PTPRM: variants seen among roughly 807,000 people sequenced by gnomAD.
PTPRM encodes protein tyrosine phosphatase receptor type M, also known as receptor-type tyrosine-protein phosphatase mu.
Under a neutral mutation model 186.7 loss-of-function variants are expected in PTPRM, and 47 were observed. That is an observed-to-expected ratio of 0.25 (90% CI 0.20 to 0.32). The LOEUF (loss-of-function observed/expected upper bound fraction) is 0.32. Ranked by LOEUF, PTPRM falls within the 10% of genes least tolerant of loss-of-function variation. The pLI is 1.00. For synonymous variants in PTPRM, 668 were observed against 674.9 expected, an observed-to-expected ratio of 0.99 and a Z score of 0.16; for missense variants, 1,494 against 1,865.0, an observed-to-expected ratio of 0.80 and a Z score of 3.66.
At chr18:7,734,305 T>G (rs1003762338) in intron 1 of PTPRM, among the ~76,000 whole-genome samples, 2 of 152,348 alleles carry the variant, frequency 1.3e-5, no homozygotes, top group Non-Finnish European at 2.9e-5. Flanking sequence ...ACATTATTTC[T>G]GTTGAAAGCA....
chr18:8,035,364 G>A (rs982708347), intron 7 of PTPRM, among the ~76,000 whole-genome samples: 9 of 152,050 alleles, frequency 5.9e-5, no homozygotes, highest in Admixed American at 2.6e-4. Flanking sequence ...TCAGTATCCA[G>A]GGGGGATTAG....
intron 11 of PTPRM, among the ~76,000 whole-genome samples, chr18:8,111,122 ACT>A (rs1176424769): frequency 6.6e-5 from 10 of 152,098 alleles, no homozygotes; most frequent in African/African-American, 1.7e-4. Flanking sequence ...GGAAAGATAA[ACT>A]CTGTGTGTGT....
intron 15 of PTPRM, among the ~76,000 whole-genome samples, chr18:8,245,629 G>A (rs928942937): frequency 1.3e-5 from 2 of 152,142 alleles, no homozygotes; most frequent in East Asian, 3.9e-4. Flanking sequence ...GCTGGAATTG[G>A]AGAAGCCCTT....
intron 14 of PTPRM, among the ~76,000 whole-genome samples, chr18:8,221,730 C>G (rs1276454250): frequency 3.3e-5 from 5 of 152,180 alleles, no homozygotes; most frequent in Non-Finnish European, 1.5e-5. Context: ...GGTTTTCAGT[C>G]CGCTGATACT....
Position 8,088,790 on chromosome 18 carries a change from C to G in PTPRM, c.1795C>G (p.Gln599Glu). 1.9e-6 allele frequency: 3 copies of G among 1,613,244 alleles called. No individual in the cohort carries two copies. The highest frequency in any genetic ancestry group is 2.5e-6 in the Non-Finnish European group (3 of 1,179,398). ...TTATGAACTTGAGACACCTTTGAAT[C>G]AAACTGACAATACCGTGACAGTCAT... ...PAYELETPLN[Q>E]TDNTVTVMLK... Residue 599 changes from glutamine (Q) to glutamate (E), a missense_variant, in exon 11 of 33, where the codon CAA becomes GAA. Transcript: ENST00000580170.
chr18:7,743,080 T>G (rs1233936050), intron 1 of PTPRM, among the ~76,000 whole-genome samples: 1 of 152,212 alleles, frequency 6.6e-6, no homozygotes, highest in Non-Finnish European at 1.5e-5. Context: ...GAGTCTGGTC[T>G]TGGGCTGAAT....
At chr18:7,757,514 A>G (rs1451919698) in intron 1 of PTPRM, among the ~76,000 whole-genome samples, 1 of 152,200 alleles carries the variant, frequency 6.6e-6, no homozygotes, top group Non-Finnish European at 1.5e-5. Flanking sequence ...TTGCTACCAT[A>G]GTCAAGGAGT....
intron 1 of PTPRM, among the ~76,000 whole-genome samples, chr18:7,717,067 C>T (rs1476348961): frequency 6.6e-6 from 1 of 152,124 alleles, no homozygotes; most frequent in Non-Finnish European, 1.5e-5. Flanking sequence ...TGGAACCAAC[C>T]CAAATGCCCA....
chr18:8,149,345 G>A (rs2092952175), intron 14 of PTPRM, among the ~76,000 whole-genome samples: 2 of 152,052 alleles, frequency 1.3e-5, no homozygotes, highest in South Asian at 4.2e-4. Context: ...CTGTGTTGGG[G>A]GCATATATAT....
At chr18:8,265,276 C>G (rs934569308) in intron 19 of PTPRM, among the ~76,000 whole-genome samples, 3 of 152,214 alleles carry the variant, frequency 2.0e-5, no homozygotes, top group African/African-American at 7.2e-5. Flanking sequence ...CCTCCCTGCT[C>G]TAGTTTCTCA....
chr18:8,273,470 T>A (rs1312635861), intron 19 of PTPRM, among the ~76,000 whole-genome samples: 2 of 152,222 alleles, frequency 1.3e-5, no homozygotes, highest in Admixed American at 6.5e-5. Context: ...ACCTCTCCTT[T>A]GCTACTGCCC....
At chr18:7,705,548 T>G (rs1371778546) in intron 1 of PTPRM, among the ~76,000 whole-genome samples, 1 of 152,154 alleles carries the variant, frequency 6.6e-6, no homozygotes, top group Non-Finnish European at 1.5e-5. Flanking sequence ...TTGGAGAAAC[T>G]CAAACCAGTG....
chr18:7,976,270 T>TA (rs1322025290), intron 7 of PTPRM, among the ~76,000 whole-genome samples: 1 of 152,316 alleles, frequency 6.6e-6, no homozygotes, highest in Non-Finnish European at 1.5e-5. Context: ...ATGGATACAG[T>TA]AAAAAATATC....
intron 2 of PTPRM, chr18:7,815,597 C>A (rs915017870): frequency 6.6e-6 from 1 of 152,120 alleles, no homozygotes; most frequent in Non-Finnish European, 1.5e-5. Context: ...GTGGAAAGAT[C>A]GCTCGAGGCC....
chr18:8,125,290 A>G (rs183486543), intron 13 of PTPRM, among the ~76,000 whole-genome samples: 146 of 152,096 alleles, frequency 9.6e-4, no homozygotes, highest in African/African-American at 3.4e-3. Flanking sequence ...GTTCCAGAGA[A>G]GGAATTTGTG....
chr18:8,042,929 C>T (rs1339349097), intron 7 of PTPRM, among the ~76,000 whole-genome samples: 12 of 152,134 alleles, frequency 7.9e-5, no homozygotes, highest in Admixed American at 7.9e-4. Flanking sequence ...GACCCTCCAA[C>T]TCCCCCTTTT....
chr18:7,715,530 T>G (rs770411249), intron 1 of PTPRM, among the ~76,000 whole-genome samples: 3 of 152,142 alleles, frequency 2.0e-5, no homozygotes, highest in Admixed American at 6.5e-5. Flanking sequence ...GAGAAAGAAA[T>G]AAAGGGTATT....
At position 8,113,489 on chromosome 18, in the gene PTPRM, C is replaced by G; in HGVS notation, c.1860C>G (p.Val620=). The G allele has an allele frequency of 6.2e-7, 1 of 1,612,302 alleles. No homozygotes were observed. The highest frequency in any genetic ancestry group is 1.1e-5 in the South Asian group (1 of 90,976). The part of the protein sequence containing the change: ...PAHSRGAPVS[V]YQIVVEEERP... The stretch of plus-strand genomic sequence containing the variant: ...GATGGTACTCTTGTTTTTCTAGTGT[C>G]TATCAAATAGTTGTTGAGGAAGAAC... The change falls in exon 12 of 33, where the codon GTC becomes GTG. Residue 620 remains valine, a synonymous_variant. Coordinates refer to ENST00000580170, the MANE Select transcript of PTPRM (RefSeq NM_001105244.2).
intron 32 of PTPRM, among the ~76,000 whole-genome samples, chr18:8,400,921 G>A (rs2095869206): frequency 6.6e-6 from 1 of 152,092 alleles, no homozygotes; most frequent in Admixed American, 6.5e-5. Context: ...GAGTTGGGTG[G>A]GAATCAGAGG....
Sources: allele counts gnomAD v4.1 joint callset (sites outside exome capture counted in the v4.1 genomes callset), GRCh38; gene constraint gnomAD v4.1.1; transcripts MANE v1.5; gene names NCBI Gene and HGNC (gene_info 2026-07-23, HGNC 2026-07-21).